ELOVL7: variants seen among roughly 807,000 people sequenced by gnomAD.
ELOVL7 encodes very long chain fatty acid elongase 7.
ELOVL7 carries 27 observed loss-of-function variants against 35.7 expected under a neutral mutation model. That is an observed-to-expected ratio of 0.76 (90% CI 0.56 to 1.04). ELOVL7 has a LOEUF of 1.04. Ranked by LOEUF, ELOVL7 falls within the 50% of genes least tolerant of loss-of-function variation. ELOVL7 has a pLI of 0.00. For missense variants in ELOVL7, 327 were observed against 340.8 expected, an observed-to-expected ratio of 0.96 and a Z score of 0.32; for synonymous variants, 113 against 114.6, an observed-to-expected ratio of 0.99 and a Z score of 0.09.
intron 3 of ELOVL7, among the ~76,000 whole-genome samples, chr5:60,772,632 T>A (rs565586659): frequency 6.6e-6 from 1 of 152,232 alleles, no homozygotes; most frequent in African/African-American, 2.4e-5. Context: ...GAGGAATAGA[T>A]ACCCCAACTC....
At chr5:60,778,310 C>A (rs1483932078) in intron 3 of ELOVL7, among the ~76,000 whole-genome samples, 1 of 152,166 alleles carries the variant, frequency 6.6e-6, no homozygotes, top group Non-Finnish European at 1.5e-5. Flanking sequence ...TGATAGATTT[C>A]TTCTATAAGT....
At chr5:60,760,804 A>G (rs1741863830) in intron 7 of ELOVL7, among the ~76,000 whole-genome samples, 2 of 152,246 alleles carry the variant, frequency 1.3e-5, no homozygotes, top group African/African-American at 2.4e-5. Context: ...TCCATCTTGA[A>G]TTAATTTTTG....
intron 7 of ELOVL7, among the ~76,000 whole-genome samples, chr5:60,759,247 C>A (rs1741732415): frequency 6.6e-6 from 1 of 152,172 alleles, no homozygotes; most frequent in South Asian, 2.1e-4. Context: ...TAGCTAATCC[C>A]TCAATTACCA....
At chr5:60,815,354 T>G (rs1310867176) in intron 1 of ELOVL7, among the ~76,000 whole-genome samples, 1 of 152,178 alleles carries the variant, frequency 6.6e-6, no homozygotes, top group Admixed American at 6.5e-5. Flanking sequence ...AACCTAAATA[T>G]ACACTAAATC....
At chr5:60,833,653 A>C (rs1253597841) in intron 1 of ELOVL7, among the ~76,000 whole-genome samples, 1 of 152,236 alleles carries the variant, frequency 6.6e-6, no homozygotes, top group African/African-American at 2.4e-5. Flanking sequence ...GCACATGAGC[A>C]CTGGAGTTCA....
intron 1 of ELOVL7, chr5:60,802,670 G>A (rs1744714164): frequency 6.6e-6 from 1 of 152,292 alleles, no homozygotes; most frequent in Middle Eastern, 3.4e-3. Context: ...AAGTATCTGT[G>A]AAAGAGAAAA....
chr5:60,834,319 G>A (rs568822285), intron 1 of ELOVL7, among the ~76,000 whole-genome samples: 100 of 152,120 alleles, frequency 6.6e-4, no homozygotes, highest in Non-Finnish European at 1.2e-3. Flanking sequence ...TTTTGTTTTC[G>A]TATTTTTAGT....
chr5:60,799,776 G>A (rs963097770), intron 1 of ELOVL7, among the ~76,000 whole-genome samples: 14 of 152,168 alleles, frequency 9.2e-5, no homozygotes, highest in African/African-American at 3.4e-4. Flanking sequence ...GGTGGCTCAT[G>A]CCTGTAATCC....
At chr5:60,754,989 G>A (rs1055122368) in intron 8 of ELOVL7, among the ~76,000 whole-genome samples, 156 bp from the exon 9 acceptor site, 5 of 152,152 alleles carry the variant, frequency 3.3e-5, no homozygotes, top group African/African-American at 1.2e-4. Flanking sequence ...ATAATGGGTG[G>A]TATAATGTCA....
At position 60,777,908 on chromosome 5, in the gene ELOVL7, G is replaced by A. The variant is rs76970267; in HGVS notation, c.65-5815C>T. ...ATGCCACTACATTTAACAAAAGGAC[G>A]TCTCTGATGCTCTCAGCAGAATAAT... On this transcript the variant is annotated intron_variant, in intron 3 of 8. Coordinates refer to ENST00000508821, the MANE Select transcript of ELOVL7 (RefSeq NM_024930.3). 1.4e-4 allele frequency among the ~76,000 whole-genome samples: 22 copies of A among 152,296 alleles called. No homozygotes were observed. In the Middle Eastern group the frequency reaches 0.01, roughly 71 times the overall value.
At chr5:60,839,637 A>G (rs1256678474) in intron 1 of ELOVL7, among the ~76,000 whole-genome samples, 1 of 152,220 alleles carries the variant, frequency 6.6e-6, no homozygotes, top group Non-Finnish European at 1.5e-5. Flanking sequence ...TATCTTCTTG[A>G]AATTCTGGCT....
chr5:60,821,896 T>C (rs6893642), intron 1 of ELOVL7, among the ~76,000 whole-genome samples: 87,596 of 152,164 alleles, frequency 0.58, 25,895 homozygotes, highest in East Asian at 0.9. Context: ...GCATATTCAC[T>C]ATGTGCAATA....
chr5:60,794,599 G>A, intron 2 of ELOVL7, among the ~76,000 whole-genome samples: 1 of 152,216 alleles, frequency 6.6e-6, no homozygotes, highest in Admixed American at 6.5e-5. Flanking sequence ...TTCTAATTCT[G>A]CAACAGACAT....
Position 60,811,871 on chromosome 5 carries a change from G to A in ELOVL7, c.-85-12641C>T, listed in dbSNP as rs1049474940. On this transcript the variant is annotated intron_variant, in intron 1 of 8. Transcript: ENST00000508821. ...TCTCTTATAGCAACATAAAGGGTAA[G>A]ACACCTAATCTCAATCTTAATCTAA... is the stretch of plus-strand genomic sequence containing the variant. Among the ~76,000 whole-genome samples, 8 of 152,214 alleles carry A rather than the reference G, an allele frequency of 5.3e-5. No individual in the cohort carries two copies. In the East Asian group the frequency reaches 1.4e-3, roughly 26 times the overall value.
Position 60,754,527 on chromosome 5 carries a change from G to T in ELOVL7, c.*97C>A. The T allele has an allele frequency of 1.8e-6, 2 of 1,132,908 alleles. No individual in the cohort carries two copies. Among genetic ancestry groups the T allele is most frequent in the Non-Finnish European group, 2.5e-6 (2 of 791,036 alleles). The allele number at this position is 1,132,908 out of a possible 1,614,324, so 70.2% of individuals were successfully genotyped here. On this transcript the variant is annotated 3_prime_UTR_variant, in exon 9 of 9. Coordinates refer to ENST00000508821, the MANE Select transcript of ELOVL7 (RefSeq NM_024930.3). ...CTTACCATAAAAATACAAGCTCTTA[G>T]TTTTGAAAAATATACAAAATGCACT...
At chr5:60,798,541 A>G (rs894880108) in intron 2 of ELOVL7, among the ~76,000 whole-genome samples, 1 of 152,232 alleles carries the variant, frequency 6.6e-6, no homozygotes, top group Non-Finnish European at 1.5e-5. Flanking sequence ...TGAAATAAAA[A>G]TAAAGCTGTA....
intron 7 of ELOVL7, among the ~76,000 whole-genome samples, chr5:60,759,762 A>G (rs981003814): frequency 5.3e-5 from 8 of 152,064 alleles, no homozygotes; most frequent in Non-Finnish European, 7.4e-5. Context: ...AGCATTAGGT[A>G]TATCTCCTAA....
chr5:60,809,596 G>C (rs1745132121), intron 1 of ELOVL7, among the ~76,000 whole-genome samples: 1 of 152,208 alleles, frequency 6.6e-6, no homozygotes, highest in Non-Finnish European at 1.5e-5. Context: ...GAAGATAGTA[G>C]AGTGAAGGAC....
rs369562030 is a variant in ELOVL7 at position 60,771,997 on chromosome 5, T to C, written c.161A>G (p.Lys54Arg). Residue 54 changes from lysine to arginine, a missense_variant, in exon 4 of 9, where the codon AAG (lysine) becomes AGG (arginine). Transcript: ENST00000508821. ...AAAGGGCTTGCGATTTTCCATGAGC[T>C]TTGGTCCCAAGGAAGTGACAAAATA... ...YVYFVTSLGPKLMENRKPFEL... is the reference protein window; with the variant it reads ...YVYFVTSLGPRLMENRKPFEL... 3.7e-6 allele frequency: 6 copies of C among 1,613,776 alleles called. 1 individual carries two copies. Among genetic ancestry groups the C allele is most frequent in the Middle Eastern group, 3.3e-4 (2 of 6,082 alleles).
Sources: gnomAD v4.1 joint callset for allele counts (sites outside exome capture counted in the v4.1 genomes callset) on GRCh38, gnomAD v4.1.1 for gene constraint, MANE v1.5 for transcripts, NCBI Gene and HGNC (gene_info 2026-07-23, HGNC 2026-07-21) for gene names.